The following CNTN5 variants were observed in gnomAD, a reference collection of about 807,000 sequenced individuals.
CNTN5 encodes contactin 5, also known as contactin-5.
In CNTN5, 77 loss-of-function variants were observed where a neutral mutation model predicts 129.1. That is an observed-to-expected ratio of 0.60 (90% CI 0.50 to 0.72). The LOEUF (loss-of-function observed/expected upper bound fraction) is 0.72, where lower values mean the gene tolerates loss of function less well. Among genes scored for constraint, CNTN5 ranks in the 30% least tolerant of loss-of-function variants. The pLI, the probability that CNTN5 is intolerant of heterozygous loss-of-function variation, is 0.00. For missense variants in CNTN5, 1,478 were observed against 1,328.8 expected, an observed-to-expected ratio of 1.11 and a Z score of -1.75; for synonymous variants, 509 against 465.6, an observed-to-expected ratio of 1.09 and a Z score of -1.20.
chr11:99,326,559 G>T (rs2614544), intron 2 of CNTN5, among the ~76,000 whole-genome samples: 151,946 of 152,258 alleles, frequency 1, 75,819 homozygotes, highest in Middle Eastern at 1. Flanking sequence ...ACCACGATAT[G>T]TGATTTTACT....
chr11:99,079,790 A>G lies in CNTN5; in HGVS notation c.-210+58520A>G, dbSNP rs371739266. On this transcript the variant is annotated intron_variant, in intron 1 of 24. Transcript: ENST00000524871. ...CTATAAAGCCCTTAATCACCCGTCA[A>G]CCTGGTGAACTCCAACTCATTGTTT... is the stretch of plus-strand genomic sequence containing the variant. Among the ~76,000 whole-genome samples, 6 of 152,298 alleles carry G rather than the reference A, an allele frequency of 3.9e-5. No individual in the cohort carries two copies. In the East Asian group the frequency reaches 1.2e-3, roughly 29 times the overall value.
At chr11:100,016,154 A>G (rs1001882577) in intron 9 of CNTN5, among the ~76,000 whole-genome samples, 1 of 152,090 alleles carries the variant, frequency 6.6e-6, no homozygotes, top group Non-Finnish European at 1.5e-5. Context: ...ACAAAAGTCT[A>G]TGTTTACCTT....
chr11:99,852,732 G>C (rs145847686), intron 6 of CNTN5, among the ~76,000 whole-genome samples: 45 of 152,058 alleles, frequency 3.0e-4, no homozygotes, highest in Non-Finnish European at 5.4e-4. Context: ...GTGCTCTTTT[G>C]TTTTGCTTTT....
chr11:99,841,886 A>G (rs1218416089), intron 4 of CNTN5, among the ~76,000 whole-genome samples: 2 of 49,496 alleles, frequency 4.0e-5, no homozygotes, highest in Admixed American at 2.9e-4. Flanking sequence ...ATACATATAC[A>G]TATATATATA....
At chr11:99,476,255 TTATC>T (rs1454212200) in intron 2 of CNTN5, among the ~76,000 whole-genome samples, 1 of 152,104 alleles carries the variant, frequency 6.6e-6, no homozygotes, top group Non-Finnish European at 1.5e-5. Context: ...ATATATGTGT[TTATC>T]AATCTATTAA....
chr11:99,683,859 G>T (rs1015550447), intron 3 of CNTN5, among the ~76,000 whole-genome samples: 1 of 150,948 alleles, frequency 6.6e-6, no homozygotes, highest in Non-Finnish European at 1.5e-5. Context: ...TGGTGTACGT[G>T]ATGTTTTGAT....
Position 99,791,236 on chromosome 11 carries a change from G to C in CNTN5, c.56-28308G>C, listed in dbSNP as rs530435169. ...CTTTCTCCATTCTTATGTTCAGCAT[G>C]GTATTTCCTAGGTTATCTTCCAGGG... On this transcript the variant is annotated intron_variant, in intron 3 of 24. Transcript: ENST00000524871. 2.2e-4 allele frequency among the ~76,000 whole-genome samples: 33 copies of C among 151,876 alleles called. No individual in the cohort carries two copies. The South Asian group carries it at 2.3e-3, about 11-fold the overall frequency.
At chr11:99,840,214 G>A (rs993530172) in intron 4 of CNTN5, among the ~76,000 whole-genome samples, 8 of 152,122 alleles carry the variant, frequency 5.3e-5, no homozygotes, top group Admixed American at 3.3e-4. Flanking sequence ...AGTAGTGAAC[G>A]TGTAATTTGA....
chr11:100,322,874 C>A (rs1364185515), intron 21 of CNTN5, among the ~76,000 whole-genome samples: 1 of 152,056 alleles, frequency 6.6e-6, no homozygotes, highest in Non-Finnish European at 1.5e-5. Flanking sequence ...ATATAATATA[C>A]AGAAGAGTAT....
chr11:100,156,918 G>A (rs1371488414), intron 13 of CNTN5, among the ~76,000 whole-genome samples: 1 of 151,790 alleles, frequency 6.6e-6, no homozygotes, highest in East Asian at 1.9e-4. Context: ...TCTCTAGTTT[G>A]TTAGTCTTTT....
In CNTN5 at chr11:99,118,638, C is replaced by T. The variant is rs187947351; in HGVS notation, c.-210+97368C>T. Among the ~76,000 whole-genome samples, 58 of 151,874 alleles carry T rather than the reference C, an allele frequency of 3.8e-4. No individual in the cohort carries two copies. In the Middle Eastern group the frequency reaches 0.01, roughly 27 times the overall value. ...TTAAAACAATTAACGAAAACAAGAACCTGAGTTAAAACTCTTTAATTGAAG... is the reference window on the plus strand; with the variant it reads ...TTAAAACAATTAACGAAAACAAGAATCTGAGTTAAAACTCTTTAATTGAAG... On this transcript the variant is annotated intron_variant, in intron 1 of 24. Transcript: ENST00000524871.
At chr11:99,299,867 G>A (rs1010480770) in intron 1 of CNTN5, among the ~76,000 whole-genome samples, 1 of 151,980 alleles carries the variant, frequency 6.6e-6, no homozygotes, top group Non-Finnish European at 1.5e-5. Context: ...ACAAGTGTAG[G>A]TGTCTTTTTT....
chr11:99,124,542 T>A (rs1013671669), intron 1 of CNTN5, among the ~76,000 whole-genome samples: 6 of 151,876 alleles, frequency 4.0e-5, no homozygotes, highest in African/African-American at 1.5e-4. Context: ...CAATTTAACA[T>A]CACATCTAGA....
chr11:99,159,351 A>T (rs11218582), intron 1 of CNTN5, among the ~76,000 whole-genome samples: 1 of 152,180 alleles, frequency 6.6e-6, no homozygotes, highest in Admixed American at 6.5e-5. Flanking sequence ...TGCCGGGTGC[A>T]GTGGCTCACG....
intron 4 of CNTN5, among the ~76,000 whole-genome samples, chr11:99,837,634 A>G (rs974228570): frequency 1.3e-5 from 2 of 151,662 alleles, no homozygotes; most frequent in Non-Finnish European, 1.5e-5. Context: ...TGTTCCTAGG[A>G]AAAGGAAATG....
intron 3 of CNTN5, among the ~76,000 whole-genome samples, chr11:99,744,501 A>G (rs1013188487): frequency 1.5e-5 from 2 of 137,650 alleles, no homozygotes; most frequent in Non-Finnish European, 3.1e-5. Flanking sequence ...GGAGTTAGCG[A>G]CCGATTGGGC....
At chr11:99,148,442 G>T (rs1218125821) in intron 1 of CNTN5, among the ~76,000 whole-genome samples, 1 of 152,076 alleles carries the variant, frequency 6.6e-6, no homozygotes, top group South Asian at 2.1e-4. Flanking sequence ...AGCAAGGTGG[G>T]CAGGCAATAT....
At chr11:99,106,088 A>G (rs75979413) in intron 1 of CNTN5, among the ~76,000 whole-genome samples, 7,810 of 152,152 alleles carry the variant, frequency 0.051, 228 homozygotes, top group Non-Finnish European at 0.062. Context: ...ATAGTCTGAA[A>G]GAGGAAAACA....
At chr11:99,384,996 A>T (rs1940835686) in intron 2 of CNTN5, among the ~76,000 whole-genome samples, 2 of 152,304 alleles carry the variant, frequency 1.3e-5, no homozygotes, top group South Asian at 4.1e-4. Flanking sequence ...AATAAAAATC[A>T]TTCAATTCTC....
Sources: gnomAD v4.1 joint callset for allele counts (sites outside exome capture counted in the v4.1 genomes callset) on GRCh38, gnomAD v4.1.1 for gene constraint, MANE v1.5 for transcripts, NCBI Gene and HGNC (gene_info 2026-07-23, HGNC 2026-07-21) for gene names.